ADGRV1: variants seen among roughly 807,000 people sequenced by gnomAD.
ADGRV1 encodes the protein adhesion G protein-coupled receptor V1.
A neutral mutation model predicts 596.2 loss-of-function variants in ADGRV1; 359 were observed. The ratio of observed to expected loss-of-function variants is 0.60; its 90% CI spans 0.55 to 0.66. The LOEUF (loss-of-function observed/expected upper bound fraction) is 0.66, where lower values mean the gene tolerates loss of function less well. ADGRV1 is among the 30% of genes least tolerant of loss of function. The probability of loss-of-function intolerance (pLI) is 0.00; values close to 1 mark genes in which losing one functional copy is unlikely to be tolerated. For missense variants in ADGRV1, 7,274 were observed against 7,575.6 expected, an observed-to-expected ratio of 0.96 and a Z score of 1.48; for synonymous variants, 2,681 against 2,679.2, an observed-to-expected ratio of 1.00 and a Z score of -0.02.
intron 64 of ADGRV1, chr5:90,780,041 T>A (rs1758672923): frequency 6.6e-6 from 1 of 152,236 alleles, no homozygotes; most frequent in South Asian, 2.1e-4. Flanking sequence ...TTTGTACTCC[T>A]AGTAAATATA....
chr5:90,627,867 T>G (rs1764982550), intron 7 of ADGRV1, 91 bp downstream of exon 7: 1 of 731,882 alleles, frequency 1.4e-6, no homozygotes, highest in Non-Finnish European at 2.1e-6. Context: ...AATGAACTGT[T>G]AGAATATGTG....
intron 6 of ADGRV1, chr5:90,626,357 G>A (rs1764755644): frequency 6.6e-6 from 1 of 152,070 alleles, no homozygotes; most frequent in Non-Finnish European, 1.5e-5. Flanking sequence ...AGCATTGAAC[G>A]GGCTATAATT....
At chr5:91,031,086 G>A in intron 85 of ADGRV1, 1 of 1,439,762 alleles carries the variant, frequency 6.9e-7, no homozygotes. Flanking sequence ...TGATACAGTA[G>A]CTCAGTGTTT....
intron 85 of ADGRV1, among the ~76,000 whole-genome samples, chr5:91,013,937 T>C (rs1782938783): frequency 6.6e-6 from 1 of 152,016 alleles, no homozygotes; most frequent in African/African-American, 2.4e-5. Flanking sequence ...TAGACATTTA[T>C]CCCAGCACCA....
chr5:90,770,689 AAAAC>A (rs368675436), intron 59 of ADGRV1, among the ~76,000 whole-genome samples: 73 of 152,194 alleles, frequency 4.8e-4, no homozygotes, highest in South Asian at 1.2e-3. Context: ...GTGCTCATGG[AAAAC>A]AAACAAACAA....
chr5:91,072,417 C>T (rs1444327013), intron 85 of ADGRV1, 30 bp from the exon 86 acceptor site: 1 of 1,594,972 alleles, frequency 6.3e-7, no homozygotes, highest in Non-Finnish European at 8.6e-7. Flanking sequence ...CTGAAAGTGT[C>T]TGAGTTACTT....
intron 82 of ADGRV1, among the ~76,000 whole-genome samples, chr5:90,859,488 A>T (rs1767337626): frequency 6.6e-6 from 1 of 152,048 alleles, no homozygotes; most frequent in South Asian, 2.1e-4. Context: ...GCTGGAGTGC[A>T]GTGGTGTGAT....
intron 83 of ADGRV1, among the ~76,000 whole-genome samples, chr5:90,949,673 C>A (rs2150900828): frequency 6.6e-6 from 1 of 152,292 alleles, no homozygotes. Context: ...TTTTGCATAA[C>A]AGAGTGCCCT....
At chr5:90,570,516 A>G (rs1756382595) in intron 1 of ADGRV1, among the ~76,000 whole-genome samples, 2 of 150,858 alleles carry the variant, frequency 1.3e-5, no homozygotes, top group Admixed American at 6.6e-5. Flanking sequence ...ATATTTCTTT[A>G]ACTACTTTCT....
intron 85 of ADGRV1, among the ~76,000 whole-genome samples, chr5:91,006,716 A>C (rs941230002): frequency 2.6e-5 from 4 of 152,220 alleles, no homozygotes; most frequent in Non-Finnish European, 4.4e-5. Flanking sequence ...ATTAAAAATA[A>C]GTATATTAAG....
intron 1 of ADGRV1, among the ~76,000 whole-genome samples, chr5:90,613,664 C>G (rs185207694): frequency 1.3e-5 from 2 of 152,092 alleles, no homozygotes; most frequent in African/African-American, 4.8e-5. Context: ...CATTTGAACT[C>G]GGCATCCCTG....
At chr5:91,013,127 A>G (rs1357912978) in intron 85 of ADGRV1, among the ~76,000 whole-genome samples, 1 of 152,048 alleles carries the variant, frequency 6.6e-6, no homozygotes, top group Non-Finnish European at 1.5e-5. Context: ...CCAATCTGTC[A>G]TTGATGGCAT....
At chr5:91,066,621 G>C (rs1787905969) in intron 85 of ADGRV1, among the ~76,000 whole-genome samples, 1 of 152,192 alleles carries the variant, frequency 6.6e-6, no homozygotes, top group Non-Finnish European at 1.5e-5. Flanking sequence ...ATCATAGCTG[G>C]TCCCAGCTCC....
intron 83 of ADGRV1, among the ~76,000 whole-genome samples, chr5:90,924,928 G>A (rs966482877): frequency 1.3e-5 from 2 of 151,816 alleles, no homozygotes; most frequent in African/African-American, 4.8e-5. Context: ...GGTTTGTCAA[G>A]GATAGATAGT....
intron 73 of ADGRV1, among the ~76,000 whole-genome samples, chr5:90,808,318 G>A (rs1762102316): frequency 6.6e-6 from 1 of 152,152 alleles, no homozygotes; most frequent in Admixed American, 6.5e-5. Flanking sequence ...CAGACTTAGG[G>A]ATTTAGTCCT....
chr5:90,677,412 A>G (rs983197855), intron 25 of ADGRV1, among the ~76,000 whole-genome samples: 1 of 152,200 alleles, frequency 6.6e-6, no homozygotes, highest in African/African-American at 2.4e-5. Context: ...AGTAGGTGGC[A>G]TATAAAAATA....
chr5:90,964,330 C>A (rs1051283789), intron 83 of ADGRV1, among the ~76,000 whole-genome samples: 2 of 152,038 alleles, frequency 1.3e-5, no homozygotes, highest in Non-Finnish European at 2.9e-5. Flanking sequence ...TGGAATAAAT[C>A]ATTCATTCTT....
intron 1 of ADGRV1, among the ~76,000 whole-genome samples, chr5:90,586,590 A>G (rs549583734): frequency 2.0e-5 from 3 of 152,236 alleles, no homozygotes; most frequent in African/African-American, 7.2e-5. Flanking sequence ...TTTTTCCTGT[A>G]AACTGGAAGT....
intron 83 of ADGRV1, among the ~76,000 whole-genome samples, chr5:90,897,715 A>G (rs1286172933): frequency 6.6e-6 from 1 of 152,158 alleles, no homozygotes; most frequent in South Asian, 2.1e-4. Flanking sequence ...TTTGAGGGCT[A>G]TCGTTTTGCC....
Sources: allele counts gnomAD v4.1 joint callset (sites outside exome capture counted in the v4.1 genomes callset), GRCh38; gene constraint gnomAD v4.1.1; transcripts MANE v1.5; gene names NCBI Gene and HGNC (gene_info 2026-07-23, HGNC 2026-07-21).